The following SH3BGRL2 variants were observed in gnomAD, a reference collection of about 807,000 sequenced individuals.
The protein encoded by SH3BGRL2 is SH3 domain-binding glutamic acid-rich-like protein 2.
In SH3BGRL2, 21 loss-of-function variants were observed where a neutral mutation model predicts 14.8. That is an observed-to-expected ratio of 1.42 (90% CI 1.01 to 2.05). The LOEUF (loss-of-function observed/expected upper bound fraction) is 2.05, where lower values mean the gene tolerates loss of function less well. Among genes scored for constraint, SH3BGRL2 ranks in the 30% most tolerant of loss-of-function variants. The probability of loss-of-function intolerance (pLI) is 0.00; values close to 1 mark genes in which losing one functional copy is unlikely to be tolerated. For missense variants in SH3BGRL2, 147 were observed against 130.8 expected (o/e 1.12, Z -0.61); for synonymous variants, 50 against 47.8 (o/e 1.05, Z -0.19).
the SH3BGRL2 span, among the ~76,000 whole-genome samples, chr6:79,579,122 A>G: frequency 3.0e-4 from 45 of 152,184 alleles, no homozygotes; most frequent in South Asian, 8.3e-3. Context: ...AAAAAGAAAC[A>G]AAGCCTCCAA....
At chr6:79,631,537 G>T (rs1360381506) in intron 1 of SH3BGRL2, 31 bp downstream of exon 1, 4 of 1,405,522 alleles carry the variant, frequency 2.8e-6, no homozygotes, top group Non-Finnish European at 3.7e-6. Context: ...CAGTAGGTTG[G>T]GGTCGCGGGG....
the SH3BGRL2 span, among the ~76,000 whole-genome samples, chr6:79,565,837 T>G: frequency 6.6e-6 from 1 of 152,212 alleles, no homozygotes; most frequent in South Asian, 2.1e-4. Flanking sequence ...CAACAAATTA[T>G]GGGAGTCTGT....
At chr6:79,596,495 A>G in the SH3BGRL2 span, among the ~76,000 whole-genome samples, 3 of 152,172 alleles carry the variant, frequency 2.0e-5, no homozygotes, top group South Asian at 2.1e-4. Context: ...GGTTCTCACT[A>G]TATTGCCCAG....
intron 2 of SH3BGRL2, among the ~76,000 whole-genome samples, chr6:79,693,447 G>A (rs994335062): frequency 6.6e-5 from 10 of 150,746 alleles, no homozygotes; most frequent in African/African-American, 2.2e-4. Context: ...GTTTTCAAAG[G>A]GAATGCTTCC....
the SH3BGRL2 span, among the ~76,000 whole-genome samples, chr6:79,561,827 G>A: frequency 6.6e-6 from 1 of 152,184 alleles, no homozygotes; most frequent in Admixed American, 6.5e-5. Context: ...AGCCAATCAT[G>A]TTCTGTCTGT....
chr6:79,697,036 T>C (rs949086061), intron 3 of SH3BGRL2, among the ~76,000 whole-genome samples: 1 of 152,184 alleles, frequency 6.6e-6, no homozygotes, highest in African/African-American at 2.4e-5. Flanking sequence ...CACTTTTTAT[T>C]AAGTCATATG....
At chr6:79,549,019 T>C in the SH3BGRL2 span, among the ~76,000 whole-genome samples, 1 of 152,152 alleles carries the variant, frequency 6.6e-6, no homozygotes, top group Admixed American at 6.5e-5. Flanking sequence ...GCAATGGCCA[T>C]ATAGAGGAAA....
At chr6:79,664,991 G>A (rs899681371) in intron 1 of SH3BGRL2, among the ~76,000 whole-genome samples, 5 of 152,184 alleles carry the variant, frequency 3.3e-5, no homozygotes, top group Admixed American at 6.5e-5. Context: ...CATGAGGTCA[G>A]GAGTTTGAGA....
intron 2 of SH3BGRL2, among the ~76,000 whole-genome samples, chr6:79,674,688 G>A (rs774811061): frequency 5.9e-5 from 9 of 152,154 alleles, no homozygotes; most frequent in Non-Finnish European, 1.2e-4. Context: ...TTTCCCCCAC[G>A]TGCGTAATGG....
chr6:79,661,752 T>C (rs990604374), intron 1 of SH3BGRL2, among the ~76,000 whole-genome samples: 1 of 152,154 alleles, frequency 6.6e-6, no homozygotes, highest in Admixed American at 6.6e-5. Context: ...CCCATTATTA[T>C]TGTGTGGGAG....
rs936958391 is a variant in SH3BGRL2 at position 79,666,231 on chromosome 6, C to T, written c.46-7383C>T. Among the ~76,000 whole-genome samples the T allele has an allele frequency of 5.3e-5, 8 of 152,102 alleles. No homozygotes were observed. In the East Asian group the frequency reaches 7.7e-4, roughly 15 times the overall value. Reference sequence around the variant, plus strand: ...CCTTTTCTGATGCCTGTCACCTCAACGTGGAAAGGCTGCCCCACACCACTA... The same window carrying T: ...CCTTTTCTGATGCCTGTCACCTCAATGTGGAAAGGCTGCCCCACACCACTA... On this transcript the variant is annotated intron_variant, in intron 1 of 3. Transcript: ENST00000369838.
chr6:79,634,308 G>A lies in SH3BGRL2; in HGVS notation c.45+2802G>A, dbSNP rs143174744. Among the ~76,000 whole-genome samples, 660 of 152,286 alleles carry A rather than the reference G, an allele frequency of 4.3e-3. 4 individuals carry two copies. Among genetic ancestry groups the A allele is most frequent in the Middle Eastern group, 6.8e-3 (2 of 294 alleles). On this transcript the variant is annotated intron_variant, in intron 1 of 3. Transcript: ENST00000369838. The stretch of plus-strand genomic sequence containing the variant: ...AGTCAGTTTTTACTAGGAAACAAAA[G>A]CAATGCCACATTATTATGCTACAGA...
the SH3BGRL2 span, among the ~76,000 whole-genome samples, chr6:79,571,584 A>G: frequency 6.6e-6 from 1 of 152,210 alleles, no homozygotes; most frequent in Non-Finnish European, 1.5e-5. Context: ...AATGATTACC[A>G]CAGCCAAATT....
At chr6:79,680,589 AT>A (rs889376287) in intron 2 of SH3BGRL2, among the ~76,000 whole-genome samples, 1 of 151,420 alleles carries the variant, frequency 6.6e-6, no homozygotes, top group Non-Finnish European at 1.5e-5. Context: ...TTTTAGGATG[AT>A]TTTTTTTTCT....
intron 1 of SH3BGRL2, among the ~76,000 whole-genome samples, chr6:79,646,370 T>C (rs1769144161): frequency 6.6e-6 from 1 of 152,224 alleles, no homozygotes; most frequent in Non-Finnish European, 1.5e-5. Context: ...TCAGGATCCA[T>C]TGTCCTAATA....
chr6:79,539,899 C>T, the SH3BGRL2 span, among the ~76,000 whole-genome samples: 2 of 152,052 alleles, frequency 1.3e-5, no homozygotes, highest in East Asian at 3.8e-4. Flanking sequence ...TATTTCATAC[C>T]ATTCTACAAA....
chr6:79,592,878 T>C, the SH3BGRL2 span, among the ~76,000 whole-genome samples: 1 of 152,168 alleles, frequency 6.6e-6, no homozygotes, highest in African/African-American at 2.4e-5. Flanking sequence ...CTGTAGCCAG[T>C]AAGTAGCAGA....
At chr6:79,538,130 A>G in the SH3BGRL2 span, among the ~76,000 whole-genome samples, 1 of 114,026 alleles carries the variant, frequency 8.8e-6, no homozygotes, top group African/African-American at 3.8e-5. Context: ...AAATGGCATT[A>G]ATTGCGGGAG....
At chr6:79,692,854 C>T (rs1244555147) in intron 2 of SH3BGRL2, among the ~76,000 whole-genome samples, 3 of 151,964 alleles carry the variant, frequency 2.0e-5, no homozygotes, top group African/African-American at 7.3e-5. Flanking sequence ...TTTTTTGGTT[C>T]CATATGAACT....
Sources: allele counts gnomAD v4.1 joint callset (sites outside exome capture counted in the v4.1 genomes callset), GRCh38; gene constraint gnomAD v4.1.1; transcripts MANE v1.5; gene names NCBI Gene and HGNC (gene_info 2026-07-23, HGNC 2026-07-21).